PHF14: variants seen among roughly 807,000 people sequenced by gnomAD.
PHF14 encodes the protein PHD finger protein 14.
Under a neutral mutation model 117.9 loss-of-function variants are expected in PHF14, and 55 were observed. The observed-to-expected ratio is 0.47, with a 90% CI of 0.38 to 0.58. The LOEUF (loss-of-function observed/expected upper bound fraction) is 0.58, where lower values mean the gene tolerates loss of function less well. Among genes scored for constraint, PHF14 ranks in the 20% least tolerant of loss-of-function variants. The pLI, the probability that PHF14 is intolerant of heterozygous loss-of-function variation, is 0.00. For missense variants in PHF14, 978 were observed against 1,122.2 expected (o/e 0.87, Z 1.84); for synonymous variants, 409 against 368.6 (o/e 1.11, Z -1.26).
intron 16 of PHF14, chr7:11,063,181 CAACA>C: frequency 1.0e-6 from 1 of 976,578 alleles, no homozygotes; most frequent in African/African-American, 1.7e-5. Context: ...CAAAGTCCTT[CAACA>C]AAGTTAAGAA....
intron 5 of PHF14, among the ~76,000 whole-genome samples, chr7:11,019,164 G>A (rs76930539): frequency 0.026 from 3,926 of 152,234 alleles, 134 homozygotes; most frequent in East Asian, 0.1. Context: ...CTTTGCGTCA[G>A]TGTTCATCAG....
intron 16 of PHF14, among the ~76,000 whole-genome samples, chr7:11,064,637 C>G (rs1785362681): frequency 6.6e-6 from 1 of 151,856 alleles, no homozygotes; most frequent in Non-Finnish European, 1.5e-5. Flanking sequence ...TAGAAAATTC[C>G]TTCTTAATTG....
chr7:11,011,091 C>G (rs760729425), intron 4 of PHF14, among the ~76,000 whole-genome samples: 2 of 152,128 alleles, frequency 1.3e-5, no homozygotes, highest in African/African-American at 4.8e-5. Context: ...TACTATTAGG[C>G]TATTTTAGTT....
chr7:11,022,997 T>G lies in PHF14; in HGVS notation c.1317+18T>G. The G allele has an allele frequency of 7.2e-7, 1 of 1,385,700 alleles. No homozygotes were observed. Among genetic ancestry groups the G allele is most frequent in the Admixed American group, 1.9e-5 (1 of 53,566 alleles). 85.8% of individuals were successfully genotyped at this position (1,385,700 alleles called of 1,614,324 possible). A position where few individuals can be genotyped will look rare whatever the true frequency, so the allele number is the denominator to read the frequency against. On this transcript the variant is annotated intron_variant, in intron 6 of 17. Transcript: ENST00000634607. ...GTGCCAAGGTGAGACACAAAGCATT[T>G]TTGATTGCTTGAAAGAGAAAGGTTT...
chr7:11,024,119 AT>A (rs1783829481), intron 6 of PHF14, among the ~76,000 whole-genome samples: 1 of 152,142 alleles, frequency 6.6e-6, no homozygotes, highest in African/African-American at 2.4e-5. Flanking sequence ...AATGGAGAAA[AT>A]TTTAATAGTA....
chr7:11,042,531 A>C lies in PHF14; in HGVS notation c.2181-152A>C. ...ACTAACAGTTACTGACATTGTAAAA[A>C]GATGTGTTAATGAAAGAAATTGTCT... On this transcript the variant is annotated intron_variant, in intron 12 of 17. Coordinates refer to ENST00000634607, the MANE Select transcript of PHF14 (RefSeq NM_001007157.2). 7 of 537,148 alleles carry C rather than the reference A, an allele frequency of 1.3e-5. No individual in the cohort carries two copies. The South Asian group carries it at 1.8e-4, about 14-fold the overall frequency. The allele number at this position is 537,148 out of a possible 1,614,324, so 33.3% of individuals were successfully genotyped here. A position where few individuals can be genotyped will look rare whatever the true frequency, so the allele number is the denominator to read the frequency against.
At chr7:11,053,146 CT>C (rs1784898597) in intron 14 of PHF14, among the ~76,000 whole-genome samples, 1 of 151,998 alleles carries the variant, frequency 6.6e-6, no homozygotes, top group African/African-American at 2.4e-5. Context: ...TTTAAAGAGT[CT>C]TTAATTTTTT....
At chr7:10,989,061 C>T (rs1241801435) in intron 3 of PHF14, among the ~76,000 whole-genome samples, 1 of 151,924 alleles carries the variant, frequency 6.6e-6, no homozygotes, top group African/African-American at 2.4e-5. Flanking sequence ...ATTTGTCAGC[C>T]CCAGACCTAT....
At chr7:11,070,309 C>G (rs1442260895) in intron 16 of PHF14, among the ~76,000 whole-genome samples, 1 of 152,014 alleles carries the variant, frequency 6.6e-6, no homozygotes, top group Non-Finnish European at 1.5e-5. Context: ...AACTTGTGAA[C>G]TCAAACAATC....
chr7:11,106,945 ACAAT>A, intron 16 of PHF14: 1 of 984,216 alleles, frequency 1.0e-6, no homozygotes, highest in South Asian at 4.7e-5. Flanking sequence ...TGTGATTATC[ACAAT>A]CAACTTGATC....
chr7:11,080,010 A>T (rs991051390), intron 16 of PHF14, among the ~76,000 whole-genome samples: 2 of 152,172 alleles, frequency 1.3e-5, no homozygotes, highest in Non-Finnish European at 2.9e-5. Flanking sequence ...GAATAGACTC[A>T]GTGGTCTAAA....
At chr7:10,980,880 A>G (rs750437630) in intron 2 of PHF14, among the ~76,000 whole-genome samples, 15 of 152,180 alleles carry the variant, frequency 9.9e-5, no homozygotes, top group Non-Finnish European at 2.1e-4. Context: ...AGTTTCAGAT[A>G]GGGAATTGCT....
At chr7:11,063,423 A>C (rs1360016431) in intron 16 of PHF14, 3 of 970,488 alleles carry the variant, frequency 3.1e-6, no homozygotes, top group Admixed American at 6.2e-5. Flanking sequence ...AAAAATAAAG[A>C]AAAAAAATAA....
At chr7:10,985,892 A>G (rs1782207491) in intron 3 of PHF14, among the ~76,000 whole-genome samples, 1 of 151,944 alleles carries the variant, frequency 6.6e-6, no homozygotes, top group African/African-American at 2.4e-5. Context: ...ACCTCAAGTG[A>G]TCCACCTGCC....
chr7:11,044,159 G>A (rs1426124543), intron 13 of PHF14, among the ~76,000 whole-genome samples: 2 of 152,052 alleles, frequency 1.3e-5, no homozygotes, highest in Non-Finnish European at 2.9e-5. Context: ...TAAAGATGGG[G>A]CCTACTAGAA....
intron 17 of PHF14, among the ~76,000 whole-genome samples, chr7:11,165,718 T>C (rs1044328980): frequency 5.3e-5 from 8 of 152,192 alleles, no homozygotes; most frequent in African/African-American, 1.9e-4. Context: ...TTAATTGGCA[T>C]CAATTATTTG....
intron 17 of PHF14, among the ~76,000 whole-genome samples, chr7:11,138,669 T>C (rs892451525): frequency 7.9e-5 from 12 of 152,230 alleles, no homozygotes; most frequent in African/African-American, 2.9e-4. Context: ...TTATCTCACT[T>C]GCATATCATT....
rs748135754 is a variant in PHF14 at position 11,022,927 on chromosome 7, A to C, written c.1265A>C (p.Lys422Thr). Reference sequence around the variant, plus strand: ...GGAGTAGCCTTTGGAGATATTGACAAATTACGACCAGTAACACTAACGGAA... The same window carrying C: ...GGAGTAGCCTTTGGAGATATTGACACATTACGACCAGTAACACTAACGGAA... ...VPGVAFGDID[K>T]LRPVTLTEMN... is the part of the protein sequence containing the mutation. Residue 422 changes from lysine (K) to threonine (T), a missense_variant, in exon 6 of 18, where the codon AAA (lysine) becomes ACA (threonine). Physicochemically the swap from Lys to Thr is moderately conservative, Grantham distance 78 (BLOSUM62 -1). Around this residue, in one of 7 missense-constraint regions of PHF14, gnomAD observed 86 missense variants for 137.8 expected, o/e 0.62. Transcript: ENST00000634607. 1 of 1,611,408 alleles carries C rather than the reference A, an allele frequency of 6.2e-7. No individual in the cohort carries two copies. The highest frequency in any genetic ancestry group is 8.5e-7 in the Non-Finnish European group (1 of 1,178,306).
At chr7:11,004,316 A>T (rs1413688262) in intron 4 of PHF14, among the ~76,000 whole-genome samples, 1 of 149,702 alleles carries the variant, frequency 6.7e-6, no homozygotes, top group Non-Finnish European at 1.5e-5. Flanking sequence ...CCTAGAGGTA[A>T]ATATGCTTAA....
Sources: allele counts gnomAD v4.1 joint callset (sites outside exome capture counted in the v4.1 genomes callset), GRCh38; gene constraint gnomAD v4.1.1; regional missense constraint gnomAD v4.1.1; transcripts MANE v1.5; gene names NCBI Gene and HGNC (gene_info 2026-07-23, HGNC 2026-07-21).